FER: variants seen among roughly 807,000 people sequenced by gnomAD.
The protein encoded by FER is FER tyrosine kinase, also known as tyrosine-protein kinase Fer.
FER carries 63 observed loss-of-function variants against 111.0 expected under a neutral mutation model. That is an observed-to-expected ratio of 0.57 (90% confidence interval 0.46 to 0.70). The LOEUF is 0.70. Ranked by LOEUF, FER falls within the 30% of genes least tolerant of loss-of-function variation. The pLI is 0.00. For synonymous variants in FER, 327 were observed against 313.9 expected (o/e 1.04, Z -0.44); for missense variants, 914 against 954.0 (o/e 0.96, Z 0.55).
At chr5:109,040,920 A>G (rs959018322) in intron 14 of FER, among the ~76,000 whole-genome samples, 1 of 152,114 alleles carries the variant, frequency 6.6e-6, no homozygotes, top group Non-Finnish European at 1.5e-5. Flanking sequence ...ACAGCGAGGA[A>G]AATTGGTAGG....
chr5:109,036,032 T>A (rs1164354944), intron 13 of FER, among the ~76,000 whole-genome samples: 1 of 152,180 alleles, frequency 6.6e-6, no homozygotes, highest in African/African-American at 2.4e-5. Flanking sequence ...GAGTTTTGTA[T>A]ATGTTCTTCA....
intron 17 of FER, among the ~76,000 whole-genome samples, chr5:109,104,418 T>C (rs1212044085): frequency 6.6e-6 from 1 of 152,194 alleles, no homozygotes; most frequent in African/African-American, 2.4e-5. Flanking sequence ...ATCTACAGAA[T>C]TCTTTGGGAG....
rs553923588 is a variant in FER at position 108,860,155 on chromosome 5, C to T, written c.482-7612C>T. Among the ~76,000 whole-genome samples the T allele has an allele frequency of 1.3e-4, 19 of 151,996 alleles. 1 individual carries two copies. The South Asian group carries it at 3.7e-3, about 30-fold the overall frequency. ...ACAGGGTTTCACCATATTGGCCAGG[C>T]TGGTCTCAAACTCCTGACCTCATGA... is the stretch of plus-strand genomic sequence containing the variant. On this transcript the variant is annotated intron_variant, in intron 5 of 19. Transcript: ENST00000281092.
intron 17 of FER, among the ~76,000 whole-genome samples, chr5:109,146,269 T>TCTATCTAATATATATATATTATCTATCTA (rs1264626911): frequency 1.9e-5 from 1 of 52,366 alleles, no homozygotes; most frequent in African/African-American, 7.5e-5. Flanking sequence ...TATATATATA[T>TCTATCTAATATATATATATTATCTATCTA]ATATATATAT....
chr5:109,039,460 T>TAAA (rs1051409699), intron 14 of FER, among the ~76,000 whole-genome samples: 1 of 152,160 alleles, frequency 6.6e-6, no homozygotes, highest in Admixed American at 6.6e-5. Context: ...ATAAGCATAA[T>TAAA]AAATAGGTAA....
At position 108,896,570 on chromosome 5, in the gene FER, A is replaced by G. The variant is rs148457535; in HGVS notation, c.1047-1089A>G. 3.2e-3 allele frequency among the ~76,000 whole-genome samples: 487 copies of G among 152,270 alleles called. 7 individuals carry two copies. The East Asian group carries it at 0.046, about 14-fold the overall frequency. ...TAGACTTTTTTCTCTACTGTTTGTT[A>G]GGACACTCACCTGAAACTTGTTACA... is the stretch of plus-strand genomic sequence containing the variant. On this transcript the variant is annotated intron_variant, in intron 9 of 19. Transcript: ENST00000281092.
chr5:108,779,068 A>G (rs912806939), intron 2 of FER, among the ~76,000 whole-genome samples: 14 of 151,202 alleles, frequency 9.3e-5, no homozygotes, highest in Non-Finnish European at 1.5e-4. Flanking sequence ...TGAAAAGACT[A>G]TCTTTTCTTG....
chr5:108,862,816 T>TA (rs1246654319), intron 5 of FER, among the ~76,000 whole-genome samples: 1 of 151,810 alleles, frequency 6.6e-6, no homozygotes, highest in Non-Finnish European at 1.5e-5. Context: ...AACAGAAACT[T>TA]AAACTAGCTT....
At chr5:109,085,789 T>C (rs1051351703) in intron 16 of FER, among the ~76,000 whole-genome samples, 1 of 151,778 alleles carries the variant, frequency 6.6e-6, no homozygotes, top group Non-Finnish European at 1.5e-5. Context: ...GTTTAATGCT[T>C]TCCTGTATCT....
chr5:108,900,179 G>C (rs971021392), intron 10 of FER, among the ~76,000 whole-genome samples: 12 of 152,110 alleles, frequency 7.9e-5, no homozygotes, highest in African/African-American at 2.9e-4. Context: ...TTACAAATAA[G>C]ACAGGGCATT....
chr5:108,919,467 T>C (rs757707178), intron 10 of FER, among the ~76,000 whole-genome samples: 8 of 152,182 alleles, frequency 5.3e-5, no homozygotes, highest in Non-Finnish European at 1.2e-4. Context: ...CTTTGAGAGA[T>C]ACTTAATTTG....
intron 10 of FER, among the ~76,000 whole-genome samples, chr5:108,939,854 G>T (rs1317034688): frequency 6.6e-6 from 1 of 151,868 alleles, no homozygotes; most frequent in Non-Finnish European, 1.5e-5. Flanking sequence ...GTAACAAAAG[G>T]AGCTCTGATA....
At chr5:109,006,819 A>G (rs990100001) in intron 13 of FER, among the ~76,000 whole-genome samples, 4 of 152,114 alleles carry the variant, frequency 2.6e-5, no homozygotes, top group African/African-American at 9.7e-5. Flanking sequence ...TGATGCTCAT[A>G]TGGTGGGGGG....
At chr5:109,047,711 AG>A (rs1354340160) in intron 16 of FER, among the ~76,000 whole-genome samples, 1 of 152,200 alleles carries the variant, frequency 6.6e-6, no homozygotes, top group African/African-American at 2.4e-5. Flanking sequence ...CTGGGATTAC[AG>A]ACATGAGCCG....
chr5:108,864,838 T>C (rs561050675), intron 5 of FER, among the ~76,000 whole-genome samples: 3,320 of 152,214 alleles, frequency 0.022, 45 homozygotes, highest in Non-Finnish European at 0.031. Flanking sequence ...CTTGGCAATG[T>C]GGGCTCTTTT....
chr5:108,926,740 A>T (rs1581231269), intron 10 of FER, among the ~76,000 whole-genome samples: 1 of 152,330 alleles, frequency 6.6e-6, no homozygotes, highest in East Asian at 1.9e-4. Context: ...ATATTCAGTC[A>T]CACATACCTG....
At chr5:109,046,818 A>C (rs1227969363) in intron 15 of FER, among the ~76,000 whole-genome samples, 1 of 152,176 alleles carries the variant, frequency 6.6e-6, no homozygotes, top group Non-Finnish European at 1.5e-5. Flanking sequence ...AGTATATAAG[A>C]GGGTGCGTGT....
At chr5:109,108,358 T>C (rs1442827793) in intron 17 of FER, among the ~76,000 whole-genome samples, 1 of 152,232 alleles carries the variant, frequency 6.6e-6, no homozygotes, top group Non-Finnish European at 1.5e-5. Context: ...TTTATCATTT[T>C]CTTCCCTTTT....
intron 3 of FER, among the ~76,000 whole-genome samples, chr5:108,827,017 ATAT>A (rs1199156920): frequency 6.6e-6 from 1 of 152,128 alleles, no homozygotes; most frequent in Non-Finnish European, 1.5e-5. Flanking sequence ...AACAATTTAG[ATAT>A]TATTCAATAG....
Sources: gnomAD v4.1 joint callset for allele counts (sites outside exome capture counted in the v4.1 genomes callset) on GRCh38, gnomAD v4.1.1 for gene constraint, MANE v1.5 for transcripts, NCBI Gene and HGNC (gene_info 2026-07-23, HGNC 2026-07-21) for gene names.